The following CCDC171 variants were observed in gnomAD, a reference collection of about 807,000 sequenced individuals.
The protein encoded by CCDC171 is coiled-coil domain-containing protein 171.
In CCDC171, 177 loss-of-function variants were observed where a neutral mutation model predicts 168.2. The ratio of observed to expected loss-of-function variants is 1.05; its 90% confidence interval spans 0.93 to 1.19. The LOEUF (loss-of-function observed/expected upper bound fraction) is 1.19, where lower values mean the gene tolerates loss of function less well. Ranked by LOEUF, CCDC171 falls within the 50% of genes most tolerant of loss-of-function variation. The probability of loss-of-function intolerance (pLI) is 0.00; values close to 1 mark genes in which losing one functional copy is unlikely to be tolerated. For missense variants in CCDC171, 1,991 were observed against 1,539.0 expected, an observed-to-expected ratio of 1.29 and a Z score of -4.91; for synonymous variants, 687 against 540.8, an observed-to-expected ratio of 1.27 and a Z score of -3.75.
At chr9:16,075,781 T>C in the CCDC171 span, among the ~76,000 whole-genome samples, 1 of 152,176 alleles carries the variant, frequency 6.6e-6, no homozygotes, top group African/African-American at 2.4e-5. Flanking sequence ...TTTCAATCTC[T>C]AGTGGCAACC....
At chr9:15,651,679 A>C (rs2047535005) in intron 7 of CCDC171, among the ~76,000 whole-genome samples, 1 of 152,104 alleles carries the variant, frequency 6.6e-6, no homozygotes, top group South Asian at 2.1e-4. Flanking sequence ...AAATGACAGC[A>C]TTTCACTCTT....
intron 25 of CCDC171, among the ~76,000 whole-genome samples, chr9:15,961,824 C>A (rs978595531): frequency 1.7e-4 from 26 of 151,932 alleles, no homozygotes; most frequent in Non-Finnish European, 3.1e-4. Flanking sequence ...AATACAAATC[C>A]TAATCCTAAC....
chr9:15,840,360 C>T (rs1007579072), intron 21 of CCDC171, among the ~76,000 whole-genome samples: 7 of 152,002 alleles, frequency 4.6e-5, no homozygotes, highest in East Asian at 1.9e-4. Context: ...ATTCATAGCT[C>T]GACTCGTTTA....
the CCDC171 span, among the ~76,000 whole-genome samples, chr9:16,090,315 C>A: frequency 6.6e-6 from 1 of 151,962 alleles, no homozygotes; most frequent in Non-Finnish European, 1.5e-5. Flanking sequence ...CAAACTAACA[C>A]AGGAACAGAA....
At chr9:15,687,867 A>G (rs144974746) in intron 10 of CCDC171, among the ~76,000 whole-genome samples, 3,915 of 152,256 alleles carry the variant, frequency 0.026, 73 homozygotes, top group Middle Eastern at 0.058. Flanking sequence ...CGTGCCTGTA[A>G]TCCTAACACT....
At chr9:15,906,957 A>G (rs558802982) in intron 24 of CCDC171, among the ~76,000 whole-genome samples, 1 of 152,172 alleles carries the variant, frequency 6.6e-6, no homozygotes, top group African/African-American at 2.4e-5. Context: ...CTAGGATGTG[A>G]AGGACCTCTT....
chr9:15,643,888 G>A (rs1349540280), intron 7 of CCDC171, among the ~76,000 whole-genome samples: 2 of 152,032 alleles, frequency 1.3e-5, no homozygotes, highest in African/African-American at 2.4e-5. Flanking sequence ...TTAATCCATG[G>A]TATCACATTT....
chr9:15,966,477 CA>C lies in CCDC171; in HGVS notation c.3754-5130del, dbSNP rs1242262609. ...GAAGAATCAAAACCATTGATCCAAT[CA>C]ATCTTCCACATCAAACGAGTAGCCA... On this transcript the variant is annotated intron_variant, in intron 25 of 25. Transcript: ENST00000380701. 2.6e-5 allele frequency among the ~76,000 whole-genome samples: 4 copies of C among 152,332 alleles called. No individual in the cohort carries two copies. The South Asian group carries it at 6.2e-4, about 24-fold the overall frequency.
intron 9 of CCDC171, among the ~76,000 whole-genome samples, chr9:15,667,097 G>A (rs967185977): frequency 6.6e-6 from 1 of 152,074 alleles, no homozygotes. Flanking sequence ...ACCTTTTTCA[G>A]TTTAAAAGCC....
intron 9 of CCDC171, among the ~76,000 whole-genome samples, chr9:15,673,765 G>C (rs1216151679): frequency 6.6e-6 from 1 of 152,158 alleles, no homozygotes; most frequent in Non-Finnish European, 1.5e-5. Flanking sequence ...TTTTAATGAG[G>C]ATTTTCGCAT....
intron 6 of CCDC171, among the ~76,000 whole-genome samples, chr9:15,594,462 G>A (rs547194317): frequency 1.3e-5 from 2 of 152,056 alleles, no homozygotes; most frequent in African/African-American, 2.4e-5. Flanking sequence ...ACTAATAGCT[G>A]TTTTGAATAG....
intron 1 of CCDC171, among the ~76,000 whole-genome samples, chr9:16,049,757 C>T (rs1419566777): frequency 6.6e-6 from 1 of 152,162 alleles, no homozygotes; most frequent in African/African-American, 2.4e-5. Context: ...CCTCCGTAAT[C>T]ATGTGAGCCA....
chr9:15,872,674 G>C (rs1355653682), intron 23 of CCDC171, among the ~76,000 whole-genome samples: 1 of 151,824 alleles, frequency 6.6e-6, no homozygotes, highest in Admixed American at 6.6e-5. Context: ...TTTGATTCTG[G>C]GTGAGTTTTT....
chr9:15,598,514 C>T (rs2042563099), intron 6 of CCDC171, among the ~76,000 whole-genome samples: 1 of 151,972 alleles, frequency 6.6e-6, no homozygotes. Context: ...GTCTGAGAGA[C>T]AGTTTGTTAT....
At chr9:15,981,052 A>G (rs527861069) in intron 3 of CCDC171, among the ~76,000 whole-genome samples, 1 of 152,126 alleles carries the variant, frequency 6.6e-6, no homozygotes, top group East Asian at 1.9e-4. Context: ...TAACCATCAG[A>G]TATTGTGAGA....
chr9:16,002,952 T>C (rs1157525807), intron 3 of CCDC171, among the ~76,000 whole-genome samples: 1 of 152,220 alleles, frequency 6.6e-6, no homozygotes, highest in Non-Finnish European at 1.5e-5. Context: ...TAGATGGCTA[T>C]ACCGTCTAGG....
chr9:15,646,901 C>A (rs1250335591), intron 7 of CCDC171, among the ~76,000 whole-genome samples: 1 of 152,182 alleles, frequency 6.6e-6, no homozygotes. Flanking sequence ...CCAAGTGGAC[C>A]TAATAGACAT....
At chr9:15,830,253 T>G (rs933913893) in intron 21 of CCDC171, among the ~76,000 whole-genome samples, 1 of 152,194 alleles carries the variant, frequency 6.6e-6, no homozygotes, top group African/African-American at 2.4e-5. Flanking sequence ...TTGTAGGAAG[T>G]AAGACATGAA....
chr9:15,939,725 G>C (rs1827509833), intron 25 of CCDC171, among the ~76,000 whole-genome samples: 1 of 151,726 alleles, frequency 6.6e-6, no homozygotes, highest in African/African-American at 2.4e-5. Flanking sequence ...ATTAAATTTT[G>C]AAATAAGATT....
Sources: allele counts gnomAD v4.1 joint callset (sites outside exome capture counted in the v4.1 genomes callset), GRCh38; gene constraint gnomAD v4.1.1; transcripts MANE v1.5; gene names NCBI Gene and HGNC (gene_info 2026-07-23, HGNC 2026-07-21).